GPR141: variants seen among roughly 807,000 people sequenced by gnomAD.
GPR141 encodes G protein-coupled receptor 141.
Under a neutral mutation model 6.8 loss-of-function variants are expected in GPR141, and 6 were observed. That is an observed-to-expected ratio of 0.88 (90% CI 0.48 to 1.74). GPR141 has a LOEUF of 1.74. Ranked by LOEUF, GPR141 falls within the 40% of genes most tolerant of loss-of-function variation. The pLI is 0.01. For synonymous variants in GPR141, 140 were observed against 142.3 expected (o/e 0.98, Z 0.11); for missense variants, 372 against 372.9 (o/e 1.00, Z 0.02).
chr7:37,705,302 A>G (rs934790002), intron 2 of GPR141, among the ~76,000 whole-genome samples: 1 of 152,190 alleles, frequency 6.6e-6, no homozygotes, highest in Non-Finnish European at 1.5e-5. Flanking sequence ...ATAATACTCT[A>G]AATGTTGGTT....
At chr7:37,721,192 A>G (rs969806566) in intron 2 of GPR141, among the ~76,000 whole-genome samples, 3 of 148,988 alleles carry the variant, frequency 2.0e-5, no homozygotes, top group African/African-American at 7.3e-5. Flanking sequence ...CAGGGCTGTC[A>G]TTTGTTAGTT....
intron 2 of GPR141, among the ~76,000 whole-genome samples, chr7:37,707,037 TCTC>T (rs1810556287): frequency 6.6e-6 from 1 of 151,882 alleles, no homozygotes; most frequent in African/African-American, 2.4e-5. Flanking sequence ...CTGACCCTCT[TCTC>T]CTCCCCTTTA....
At chr7:37,688,212 C>T (rs1300182916) in intron 2 of GPR141, among the ~76,000 whole-genome samples, 1 of 152,002 alleles carries the variant, frequency 6.6e-6, no homozygotes, top group African/African-American at 2.4e-5. Flanking sequence ...GGGTGGATCA[C>T]CTGAGGTCAG....
chr7:37,743,498 C>T lies in GPR141; in HGVS notation c.*2187C>T, dbSNP rs7780507. 7.3e-5 allele frequency among the ~76,000 whole-genome samples: 11 copies of T among 151,504 alleles called. No homozygotes were observed. The highest frequency in any genetic ancestry group is 1.0e-4 in the Non-Finnish European group (7 of 67,892). On this transcript the variant is annotated 3_prime_UTR_variant, in exon 3 of 3. Coordinates refer to ENST00000334425, the MANE Select transcript of GPR141 (RefSeq NM_001381946.1). Reference sequence around the variant, plus strand: ...TTTTGAACCATAAAATTTGTAAGACCGTTACTAAGACCCCTGATAGTTTTA... The same window carrying T: ...TTTTGAACCATAAAATTTGTAAGACTGTTACTAAGACCCCTGATAGTTTTA...
intron 2 of GPR141, among the ~76,000 whole-genome samples, chr7:37,686,908 C>T (rs528894629): frequency 6.6e-6 from 1 of 152,176 alleles, no homozygotes; most frequent in South Asian, 2.1e-4. Context: ...TCTGGGATGG[C>T]GTGAGTGGAG....
intron 2 of GPR141, among the ~76,000 whole-genome samples, chr7:37,713,962 G>T (rs1810927358): frequency 6.6e-6 from 1 of 152,058 alleles, no homozygotes; most frequent in African/African-American, 2.4e-5. Context: ...GGATGAAATG[G>T]TAATAAGATC....
chr7:37,728,269 C>A (rs900714383), intron 2 of GPR141, among the ~76,000 whole-genome samples: 4 of 151,794 alleles, frequency 2.6e-5, no homozygotes, highest in African/African-American at 4.8e-5. Context: ...TCCTACCAAA[C>A]AGGAGATTTA....
At chr7:37,706,534 A>AC (rs1810530063) in intron 2 of GPR141, among the ~76,000 whole-genome samples, 1 of 152,078 alleles carries the variant, frequency 6.6e-6, no homozygotes, top group Non-Finnish European at 1.5e-5. Context: ...ATCTTCCCTG[A>AC]CCCCCCACCA....
rs553002339 is a variant in GPR141, at chr7:37,711,353, C to T, written c.-15+25770C>T. Among the ~76,000 whole-genome samples, 10 of 152,240 alleles carry T rather than the reference C, an allele frequency of 6.6e-5. 2 individuals carry two copies. The highest frequency in any genetic ancestry group is 4.1e-4 in the South Asian group (2 of 4,824). ...TACGTGTTGCCTAAATAACAGCTAA[C>T]GGGAGCATCTTCTTGGCTACAGCCC... On this transcript the variant is annotated intron_variant, in intron 2 of 2. Coordinates refer to ENST00000334425, the MANE Select transcript of GPR141 (RefSeq NM_001381946.1).
At position 37,740,794 on chromosome 7, in the gene GPR141, C is replaced by T; in HGVS notation, c.401C>T (p.Ala134Val). 3 of 1,614,140 alleles carry T rather than the reference C, an allele frequency of 1.9e-6. No individual in the cohort carries two copies. ...TTCTACAGAAAACTGCATGCTGTGG[C>T]TGCCAGTGCTGGCATGTGGACGCTG... ...VEFYRKLHAV[A>V]ASAGMWTLVI... Residue 134 changes from alanine (A) to valine (V), a missense_variant, in exon 3 of 3, where the codon GCT becomes GTT. Physicochemically the swap from Ala to Val is moderately conservative, Grantham distance 64. Transcript: ENST00000334425.
chr7:37,742,618 C>T lies in GPR141; in HGVS notation c.*1307C>T, dbSNP rs1225267747. Among the ~76,000 whole-genome samples the T allele has an allele frequency of 6.6e-6, 1 of 152,020 alleles. No individual in the cohort carries two copies. The highest frequency in any genetic ancestry group is 1.5e-5 in the Non-Finnish European group (1 of 67,996). Reference sequence around the variant, plus strand: ...GACTTTTGAGAAGTATATAGAAAAACCATTAATTTAGACTCTGTGAGATTA... The same window carrying T: ...GACTTTTGAGAAGTATATAGAAAAATCATTAATTTAGACTCTGTGAGATTA... On this transcript the variant is annotated 3_prime_UTR_variant, in exon 3 of 3. Transcript: ENST00000334425.
At chr7:37,693,578 G>A (rs1357241942) in intron 2 of GPR141, among the ~76,000 whole-genome samples, 5 of 152,132 alleles carry the variant, frequency 3.3e-5, no homozygotes, top group Admixed American at 1.3e-4. Context: ...ACCTTGTAGT[G>A]GTGAGTCTAG....
At chr7:37,712,980 G>A (rs763382488) in intron 2 of GPR141, among the ~76,000 whole-genome samples, 1 of 152,170 alleles carries the variant, frequency 6.6e-6, no homozygotes, top group Non-Finnish European at 1.5e-5. Context: ...AGCCCAGCAT[G>A]TTTTTCTCAT....
chr7:37,718,968 AG>A (rs1237185177), intron 2 of GPR141, among the ~76,000 whole-genome samples: 2 of 151,970 alleles, frequency 1.3e-5, no homozygotes, highest in African/African-American at 4.8e-5. Flanking sequence ...TATGTGTTGC[AG>A]GGTGGGGGAT....
At chr7:37,717,176 A>G (rs573758386) in intron 2 of GPR141, among the ~76,000 whole-genome samples, 2 of 152,360 alleles carry the variant, frequency 1.3e-5, no homozygotes, top group Admixed American at 6.5e-5. Flanking sequence ...TCCTAAATAC[A>G]TAATAGACAC....
chr7:37,691,860 T>C (rs576184093), intron 2 of GPR141, among the ~76,000 whole-genome samples: 2 of 152,352 alleles, frequency 1.3e-5, no homozygotes, highest in South Asian at 4.1e-4. Flanking sequence ...CCTGGCCTGT[T>C]AGATTTCTCT....
At chr7:37,720,755 A>G (rs1053374101) in intron 2 of GPR141, among the ~76,000 whole-genome samples, 1 of 151,966 alleles carries the variant, frequency 6.6e-6, no homozygotes, top group Non-Finnish European at 1.5e-5. Flanking sequence ...AAAAAAAAAA[A>G]AGAGAAATTA....
chr7:37,691,652 T>C (rs1809773332), intron 2 of GPR141, among the ~76,000 whole-genome samples: 1 of 152,196 alleles, frequency 6.6e-6, no homozygotes, highest in African/African-American at 2.4e-5. Context: ...TTCGTGATGA[T>C]TGTCGTTTTG....
At chr7:37,700,674 A>G (rs1810240903) in intron 2 of GPR141, among the ~76,000 whole-genome samples, 1 of 152,248 alleles carries the variant, frequency 6.6e-6, no homozygotes, top group Admixed American at 6.5e-5. Context: ...CATACAAATG[A>G]TATTTTTCAT....
Sources: allele counts gnomAD v4.1 joint callset (sites outside exome capture counted in the v4.1 genomes callset), GRCh38; gene constraint gnomAD v4.1.1; transcripts MANE v1.5; gene names NCBI Gene and HGNC (gene_info 2026-07-23, HGNC 2026-07-21).